MEGF10: variants seen among roughly 807,000 people sequenced by gnomAD.
MEGF10 encodes multiple EGF like domains 10.
Under a neutral mutation model 147.5 loss-of-function variants are expected in MEGF10, and 86 were observed. That is an observed-to-expected ratio of 0.58 (90% CI 0.49 to 0.70). MEGF10 has a LOEUF of 0.70. Ranked by LOEUF, MEGF10 falls within the 30% of genes least tolerant of loss-of-function variation. The pLI, the probability that MEGF10 is intolerant of heterozygous loss-of-function variation, is 0.00. For synonymous variants in MEGF10, 478 were observed against 525.5 expected (o/e 0.91, Z 1.24); for missense variants, 1,329 against 1,487.3 (o/e 0.89, Z 1.75).
chr5:127,286,637 C>A, upstream of MEGF10, among the ~76,000 whole-genome samples: 1 of 149,742 alleles, frequency 6.7e-6, no homozygotes. Flanking sequence ...ATCTAAAAAT[C>A]AATAAGCAAA....
At chr5:127,264,557 CCTT>C in the MEGF10 span, among the ~76,000 whole-genome samples, 1,001 of 152,196 alleles carry the variant, frequency 6.6e-3, 12 homozygotes, top group African/African-American at 0.023. Flanking sequence ...AAATGGAACT[CCTT>C]CTCTCTGTGT....
chr5:127,445,662 G>T lies in MEGF10; in HGVS notation c.2697G>T (p.Met899Ile), dbSNP rs1765918615. The change falls in exon 20 of 25, where the codon ATG becomes ATT. Residue 899 changes from methionine (M) to isoleucine (I), a missense_variant. Coordinates refer to ENST00000503335, the MANE Select transcript of MEGF10 (RefSeq NM_001256545.2). ...SMPAVTYTPA[M>I]RVVNADYTIS... Reference sequence around the variant, plus strand: ...CAGCAGTTACCTACACCCCTGCTATGAGGGTCGTCAATGCAGATTATACCA... The same window carrying T: ...CAGCAGTTACCTACACCCCTGCTATTAGGGTCGTCAATGCAGATTATACCA... 3.1e-6 allele frequency: 5 copies of T among 1,614,080 alleles called. No individual in the cohort carries two copies. In the East Asian group the frequency reaches 1.1e-4, roughly 36 times the overall value.
At chr5:127,265,742 C>G in the MEGF10 span, among the ~76,000 whole-genome samples, 1 of 152,084 alleles carries the variant, frequency 6.6e-6, no homozygotes, top group Non-Finnish European at 1.5e-5. Context: ...CTGTTCATAT[C>G]CTTTGCCCAC....
the MEGF10 span, among the ~76,000 whole-genome samples, chr5:127,258,514 GA>G: frequency 2.0e-5 from 3 of 152,010 alleles, no homozygotes; most frequent in African/African-American, 7.2e-5. Flanking sequence ...GATACACAAA[GA>G]AAAAATAGGA....
chr5:127,391,102 G>GCGCACACA (rs1426600414), intron 5 of MEGF10, among the ~76,000 whole-genome samples: 61 of 53,918 alleles, frequency 1.1e-3, no homozygotes, highest in Admixed American at 2.2e-3. Context: ...GCGCGCGCGC[G>GCGCACACA]CACACACACA....
At chr5:127,321,778 G>C (rs1211324175) in intron 1 of MEGF10, among the ~76,000 whole-genome samples, 1 of 152,084 alleles carries the variant, frequency 6.6e-6, no homozygotes, top group Non-Finnish European at 1.5e-5. Context: ...CCACTGAAAA[G>C]GATCTTCCCG....
At chr5:127,327,980 G>T (rs1365939466) in intron 1 of MEGF10, among the ~76,000 whole-genome samples, 1 of 152,104 alleles carries the variant, frequency 6.6e-6, no homozygotes, top group Non-Finnish European at 1.5e-5. Context: ...GCCTCCCAAA[G>T]TGCTGGGATT....
At chr5:127,251,993 A>T in the MEGF10 span, among the ~76,000 whole-genome samples, 1 of 151,994 alleles carries the variant, frequency 6.6e-6, no homozygotes, top group Non-Finnish European at 1.5e-5. Flanking sequence ...AAAGAAATAC[A>T]AATGTTCAAT....
At chr5:127,328,091 C>T (rs377729301) in intron 1 of MEGF10, among the ~76,000 whole-genome samples, 2 of 152,264 alleles carry the variant, frequency 1.3e-5, no homozygotes, top group East Asian at 3.9e-4. Flanking sequence ...AAAGGACAAT[C>T]CATGTTTCCT....
intron 1 of MEGF10, among the ~76,000 whole-genome samples, chr5:127,327,709 CTTTTCT>C (rs1302325929): frequency 7.5e-5 from 9 of 120,432 alleles, no homozygotes; most frequent in South Asian, 2.7e-4. Context: ...CTTTTCTTTT[CTTTTCT>C]TTTTTTTTTT....
chr5:127,306,416 TA>T (rs918290392), intron 1 of MEGF10, among the ~76,000 whole-genome samples: 5 of 151,908 alleles, frequency 3.3e-5, no homozygotes, highest in Admixed American at 3.3e-4. Context: ...AACAGTTCTT[TA>T]AAAAAAACAA....
At chr5:127,345,737 G>T (rs776948955) in intron 4 of MEGF10, among the ~76,000 whole-genome samples, 1 of 152,112 alleles carries the variant, frequency 6.6e-6, no homozygotes, top group Non-Finnish European at 1.5e-5. Flanking sequence ...AACAGGTAGT[G>T]TTTGGTTATA....
At chr5:127,415,980 G>C (rs73348707) in intron 9 of MEGF10, among the ~76,000 whole-genome samples, 9,667 of 151,650 alleles carry the variant, frequency 0.064, 1,071 homozygotes, top group African/African-American at 0.22. Flanking sequence ...GACAATTAGG[G>C]GTAGATACTG....
chr5:127,317,962 A>C (rs1760632189), intron 1 of MEGF10, among the ~76,000 whole-genome samples: 1 of 152,158 alleles, frequency 6.6e-6, no homozygotes, highest in Admixed American at 6.6e-5. Context: ...CATTGGTGAC[A>C]GTGTGGAGGA....
chr5:127,350,637 A>T (rs1328950183), intron 4 of MEGF10, among the ~76,000 whole-genome samples: 2 of 152,134 alleles, frequency 1.3e-5, no homozygotes, highest in Non-Finnish European at 2.9e-5. Context: ...AACAGAAGGA[A>T]TGAAATACAA....
intron 5 of MEGF10, among the ~76,000 whole-genome samples, chr5:127,373,494 G>A (rs1218170319): frequency 1.3e-5 from 2 of 152,142 alleles, no homozygotes; most frequent in East Asian, 3.9e-4. Flanking sequence ...GATTTTGAGT[G>A]CTTTCTTACT....
intron 1 of MEGF10, among the ~76,000 whole-genome samples, chr5:127,306,269 G>C (rs1448297389): frequency 6.6e-6 from 1 of 152,124 alleles, no homozygotes; most frequent in African/African-American, 2.4e-5. Flanking sequence ...TGCCCTCTCT[G>C]TTTCCTTTAA....
intron 20 of MEGF10, among the ~76,000 whole-genome samples, chr5:127,446,441 T>C (rs887598283): frequency 6.6e-6 from 1 of 152,222 alleles, no homozygotes; most frequent in Non-Finnish European, 1.5e-5. Flanking sequence ...AGAATTATTG[T>C]GTCAAGAACT....
chr5:127,393,570 A>G (rs1763784918), intron 5 of MEGF10, among the ~76,000 whole-genome samples: 1 of 152,186 alleles, frequency 6.6e-6, no homozygotes, highest in Non-Finnish European at 1.5e-5. Context: ...TCCTGAATAG[A>G]CCATGTTGAT....
Sources: gnomAD v4.1 joint callset for allele counts (sites outside exome capture counted in the v4.1 genomes callset) on GRCh38, gnomAD v4.1.1 for gene constraint, MANE v1.5 for transcripts, NCBI Gene and HGNC (gene_info 2026-07-23, HGNC 2026-07-21) for gene names.